DGKD: variants seen among roughly 807,000 people sequenced by gnomAD.
The protein encoded by DGKD is DAG kinase delta.
In DGKD, 68 loss-of-function variants were observed where a neutral mutation model predicts 154.4. The ratio of observed to expected loss-of-function variants is 0.44; its 90% confidence interval spans 0.36 to 0.54. The LOEUF (loss-of-function observed/expected upper bound fraction) is 0.54. Ranked by LOEUF, DGKD falls within the 20% of genes least tolerant of loss-of-function variation. The pLI is 0.00. For missense variants in DGKD, 1,343 were observed against 1,593.6 expected (o/e 0.84, Z 2.68); for synonymous variants, 693 against 638.0 (o/e 1.09, Z -1.30).
At chr2:233,465,497 A>G (rs2063796775) in intron 27 of DGKD, among the ~76,000 whole-genome samples, 1 of 152,224 alleles carries the variant, frequency 6.6e-6, no homozygotes, top group Non-Finnish European at 1.5e-5. Context: ...CGCACCTGTA[A>G]TCCCAGCACT....
chr2:233,390,100 A>C (rs911119873), intron 2 of DGKD, among the ~76,000 whole-genome samples: 3 of 152,240 alleles, frequency 2.0e-5, no homozygotes, highest in Non-Finnish European at 4.4e-5. Flanking sequence ...TAAATACAGA[A>C]ATACCAGCAT....
intron 3 of DGKD, among the ~76,000 whole-genome samples, chr2:233,404,593 T>C (rs950284989): frequency 6.6e-6 from 1 of 152,258 alleles, no homozygotes; most frequent in Non-Finnish European, 1.5e-5. Flanking sequence ...TTTCAGCTTC[T>C]ATTTACTTTA....
chr2:233,361,250 G>C (rs992847501), intron 1 of DGKD, among the ~76,000 whole-genome samples: 2 of 152,204 alleles, frequency 1.3e-5, no homozygotes, highest in African/African-American at 4.8e-5. Context: ...GGAGCCAGAA[G>C]TATTGGAAGG....
chr2:233,411,013 C>T (rs1328956657), intron 3 of DGKD, among the ~76,000 whole-genome samples: 1 of 152,032 alleles, frequency 6.6e-6, no homozygotes, highest in African/African-American at 2.4e-5. Flanking sequence ...GCTTCTTTCA[C>T]TCAGCATAAT....
At chr2:233,407,394 A>G (rs1464052890) in intron 3 of DGKD, among the ~76,000 whole-genome samples, 1 of 152,262 alleles carries the variant, frequency 6.6e-6, no homozygotes, top group Non-Finnish European at 1.5e-5. Flanking sequence ...AAAACCAAGT[A>G]TAATTTAACA....
At position 233,462,396 on chromosome 2, in the gene DGKD, C is replaced by T. The variant is rs997017946; in HGVS notation, c.3030C>T (p.Ala1010=). 2 of 1,605,164 alleles carry T rather than the reference C, an allele frequency of 1.2e-6. No homozygotes were observed. Among genetic ancestry groups the T allele is most frequent in the Non-Finnish European group, 1.7e-6 (2 of 1,172,692 alleles). ...ACCGGGACATGGAGCAGGAACTGGC[C>T]CACGCCGTCAATGCCAGCTCCAAGT... is the stretch of plus-strand genomic sequence containing the variant. The part of the protein sequence containing the change: ...QSHRDMEQEL[A]HAVNASSKSM... Residue 1010 remains alanine, a synonymous_variant, in exon 25 of 30, where the codon GCC becomes GCT. Coordinates refer to ENST00000264057, the MANE Select transcript of DGKD (RefSeq NM_152879.3).
intron 3 of DGKD, among the ~76,000 whole-genome samples, chr2:233,424,795 C>T (rs1465244812): frequency 6.6e-6 from 1 of 152,250 alleles, no homozygotes; most frequent in African/African-American, 2.4e-5. Context: ...CTGGAAAACA[C>T]GCGGTGGATT....
chr2:233,411,741 A>G (rs558455710), intron 3 of DGKD, among the ~76,000 whole-genome samples: 1 of 152,124 alleles, frequency 6.6e-6, no homozygotes, highest in Non-Finnish European at 1.5e-5. Flanking sequence ...ACCCTTGTCT[A>G]CCTCGGCTTG....
At position 233,354,553 on chromosome 2, in the gene DGKD, C is replaced by T. The variant is rs1490995285; in HGVS notation, c.35C>T (p.Pro12Leu). 1.9e-6 allele frequency: 2 copies of T among 1,027,626 alleles called. No individual in the cohort carries two copies. Among genetic ancestry groups the T allele is most frequent in the South Asian group, 3.1e-5 (1 of 32,222 alleles). 63.7% of individuals were successfully genotyped at this position (1,027,626 alleles called of 1,614,324 possible). A position where few individuals can be genotyped will look rare whatever the true frequency, so the allele number is the denominator to read the frequency against. ...AAAAGAPPPG[P>L]PQPPPPPPPE... ...GCGGCGGGCGCCCCTCCGCCGGGTC[C>T]CCCGCAACCGCCTCCGCCGCCGCCG... Residue 12 changes from proline to leucine, a missense_variant, in exon 1 of 30, where the codon CCC (proline) becomes CTC (leucine). By Grantham distance (98) the Pro-to-Leu change is moderately conservative. This residue lies in a region of DGKD where 57 missense variants were observed against 27.8 expected (regional missense o/e 2.05). Coordinates refer to ENST00000264057, the MANE Select transcript of DGKD (RefSeq NM_152879.3). This position sits in a 1 kb window ranked among gnomAD's most constrained non-coding sequence, Gnocchi z 4.8.
intron 10 of DGKD, chr2:233,442,369 T>G (rs1164111204): frequency 2.9e-6 from 1 of 350,490 alleles, no homozygotes; most frequent in African/African-American, 2.1e-5. Context: ...GTTTCTCAAG[T>G]CAGAGTCATG....
intron 19 of DGKD, 94 bp downstream of exon 19, chr2:233,454,967 A>G: frequency 3.8e-6 from 3 of 795,970 alleles, no homozygotes; most frequent in Non-Finnish European, 6.3e-6. Flanking sequence ...CAGGTTAAAG[A>G]ACGTGCAGAA....
Position 233,438,127 on chromosome 2 carries a change from T to TG in DGKD, c.923-83dup, listed in dbSNP as rs1039793912. On this transcript the variant is annotated intron_variant, in intron 8 of 29. Transcript: ENST00000264057. The surrounding 1 kb of genome is among the most constrained non-coding windows in gnomAD (Gnocchi z 4.1). ...GTGCATGTGTCAGGTGTGTGTCCTT[T>TG]GGGGGGGTCTGCTGCTGCTGATTCC... is the stretch of plus-strand genomic sequence containing the variant. The TG allele has an allele frequency of 2.4e-5, 35 of 1,448,440 alleles. No homozygotes were observed. Among genetic ancestry groups the TG allele is most frequent in the African/African-American group, 5.6e-5 (4 of 70,968 alleles). The allele number at this position is 1,448,440 out of a possible 1,614,324, so 89.7% of individuals were successfully genotyped here. A position where few individuals can be genotyped will look rare whatever the true frequency, so the allele number is the denominator to read the frequency against.
chr2:233,386,502 G>A (rs1703186499), intron 1 of DGKD, among the ~76,000 whole-genome samples: 1 of 150,002 alleles, frequency 6.7e-6, no homozygotes, highest in South Asian at 2.1e-4. Context: ...TGTTTTGGAC[G>A]GGACCTCAGA....
rs2124919317 is a variant in DGKD at position 233,458,254 on chromosome 2, T to A, written c.2581-30T>A. On this transcript the variant is annotated intron_variant, in intron 21 of 29. Coordinates refer to ENST00000264057, the MANE Select transcript of DGKD (RefSeq NM_152879.3). The surrounding 1 kb of genome is among the most constrained non-coding windows in gnomAD (Gnocchi z 6.6). The stretch of plus-strand genomic sequence containing the variant: ...GGCCTGTGCTCGGGGATGTGTGGAG[T>A]GGTGGTCAGCTCTAACGTGTCCCTT... The A allele has an allele frequency of 6.8e-7, 1 of 1,464,828 alleles. No homozygotes were observed. The highest frequency in any genetic ancestry group is 2.3e-5 in the East Asian group (1 of 43,668). The allele number at this position is 1,464,828 out of a possible 1,614,324, so 90.7% of individuals were successfully genotyped here.
chr2:233,436,422 G>A lies in DGKD; in HGVS notation c.800G>A (p.Cys267Tyr). ...GTGCTGCGCCTGCAGGACTGGCGCT[G>A]CCTCTGGTGCAAGGCCATGGTGAGT... ...GSVLRLQDWR[C>Y]LWCKAMVHTS... Residue 267 changes from cysteine to tyrosine, a missense_variant, in exon 7 of 30, where the codon TGC (cysteine) becomes TAC (tyrosine). Transcript: ENST00000264057. 6.2e-7 allele frequency: 1 copy of A among 1,613,348 alleles called. No individual in the cohort carries two copies. The highest frequency in any genetic ancestry group is 8.5e-7 in the Non-Finnish European group (1 of 1,179,984).
At chr2:233,397,126 T>C (rs184009656) in intron 3 of DGKD, among the ~76,000 whole-genome samples, 16 of 86,526 alleles carry the variant, frequency 1.8e-4, no homozygotes, top group East Asian at 1.2e-3. Context: ...GAGGCCAGAG[T>C]GAGAGGACAC....
At position 233,464,153 on chromosome 2, in the gene DGKD, G is replaced by T. The variant is rs373823307; in HGVS notation, c.3187-11G>T. The T allele has an allele frequency of 4.5e-5, 73 of 1,613,162 alleles. No homozygotes were observed. Among genetic ancestry groups the T allele is most frequent in the African/African-American group, 9.3e-5 (7 of 74,924 alleles). On this transcript the variant is annotated splice_polypyrimidine_tract_variant and intron_variant, in intron 26 of 29. Transcript: ENST00000264057. Reference sequence around the variant, plus strand: ...TCTCCATTTCTCTCTCCCTCCCTCCGCCTGGAGCAGCAGCTGGATCCGCCT... The same window carrying T: ...TCTCCATTTCTCTCTCCCTCCCTCCTCCTGGAGCAGCAGCTGGATCCGCCT...
At chr2:233,426,293 CT>C (rs925311987) in intron 3 of DGKD, among the ~76,000 whole-genome samples, 3 of 152,110 alleles carry the variant, frequency 2.0e-5, no homozygotes, top group Non-Finnish European at 4.4e-5. Context: ...GCTCTGCACA[CT>C]TTTCTTTTGA....
At position 233,459,635 on chromosome 2, in the gene DGKD, T is replaced by G. The variant is rs1575166159; in HGVS notation, c.2695-122T>G. On this transcript the variant is annotated intron_variant, in intron 22 of 29. Coordinates refer to ENST00000264057, the MANE Select transcript of DGKD (RefSeq NM_152879.3). This position sits in a 1 kb window ranked among gnomAD's most constrained non-coding sequence, Gnocchi z 5.7. ...CGGAGCGCCATCCCAGAGGCAGAGG[T>G]GGGGTGTCCTGCAAGGCAGGGACGG... 2 of 1,291,612 alleles carry G rather than the reference T, an allele frequency of 1.5e-6. No individual in the cohort carries two copies. Among genetic ancestry groups the G allele is most frequent in the East Asian group, 2.4e-5 (1 of 41,498 alleles). 80.0% of individuals were successfully genotyped at this position (1,291,612 alleles called of 1,614,324 possible).
Sources: gnomAD v4.1 joint callset for allele counts (sites outside exome capture counted in the v4.1 genomes callset) on GRCh38, gnomAD v4.1.1 for gene constraint, gnomAD v4.1.1 regional missense constraint, Gnocchi (gnomAD v3.1) non-coding constraint, MANE v1.5 for transcripts, NCBI Gene and HGNC (gene_info 2026-07-23, HGNC 2026-07-21) for gene names.